TOGARAM2: variants seen among roughly 807,000 people sequenced by gnomAD.
TOGARAM2 encodes the protein TOG array regulator of axonemal microtubules protein 2.
Under a neutral mutation model 93.3 loss-of-function variants are expected in TOGARAM2, and 85 were observed. The observed-to-expected ratio is 0.91, with a 90% CI of 0.76 to 1.09. The LOEUF is 1.09. Ranked by LOEUF, TOGARAM2 falls within the 50% of genes least tolerant of loss-of-function variation. The pLI is 0.00. For synonymous variants in TOGARAM2, 593 were observed against 552.8 expected, an observed-to-expected ratio of 1.07 and a Z score of -1.02; for missense variants, 1,277 against 1,334.5, an observed-to-expected ratio of 0.96 and a Z score of 0.67.
chr2:28,982,218 A>T (rs1418839442), intron 1 of TOGARAM2, among the ~76,000 whole-genome samples: 1 of 152,168 alleles, frequency 6.6e-6, no homozygotes, highest in East Asian at 1.9e-4. Flanking sequence ...TGCTGTTGTT[A>T]GGTGGAGATT....
At position 28,994,770 on chromosome 2, in the gene TOGARAM2, T is replaced by C. The variant is rs948624080; in HGVS notation, c.-65T>C. ...GAGCCCTCCAGACCCCCAAGGACTG[T>C]ACTCACTGCCCAGAAATAGCTGCTG... On this transcript the variant is annotated 5_prime_UTR_variant, in exon 2 of 20. Transcript: ENST00000379558. 2 of 1,530,392 alleles carry C rather than the reference T, an allele frequency of 1.3e-6. No individual in the cohort carries two copies. The highest frequency in any genetic ancestry group is 1.2e-5 in the South Asian group (1 of 83,608). 94.8% of individuals were successfully genotyped at this position (1,530,392 alleles called of 1,614,324 possible). A position where few individuals can be genotyped will look rare whatever the true frequency, so the allele number is the denominator to read the frequency against.
intron 1 of TOGARAM2, among the ~76,000 whole-genome samples, chr2:28,972,115 G>A (rs777050183): frequency 6.6e-6 from 1 of 152,038 alleles, no homozygotes; most frequent in African/African-American, 2.4e-5. Flanking sequence ...TTGAGACAGG[G>A]TCTCACTCTG....
At position 29,027,698 on chromosome 2, in the gene TOGARAM2, C is replaced by T. The variant is rs368894765; in HGVS notation, c.2012+687C>T. The stretch of plus-strand genomic sequence containing the variant: ...TCTTGAGCCCAGGAGGTAAAGGCTG[C>T]AATGCAATGGAGTTGGTGGGGGGGC... On this transcript the variant is annotated intron_variant, in intron 14 of 19. Transcript: ENST00000379558. Among the ~76,000 whole-genome samples the T allele has an allele frequency of 5.9e-5, 9 of 152,106 alleles. No homozygotes were observed. In the East Asian group the frequency reaches 1.5e-3, roughly 26 times the overall value.
At chr2:29,010,832 G>T (rs1359246785) in intron 6 of TOGARAM2, among the ~76,000 whole-genome samples, 1 of 152,168 alleles carries the variant, frequency 6.6e-6, no homozygotes, top group African/African-American at 2.4e-5. Context: ...AGTAAATGGT[G>T]CTTCCAACTT....
chr2:29,021,986 C>T (rs1357566327), intron 10 of TOGARAM2, among the ~76,000 whole-genome samples, 172 bp from the exon 11 acceptor site: 2 of 152,104 alleles, frequency 1.3e-5, no homozygotes, highest in Non-Finnish European at 2.9e-5. Context: ...GGGAGGGAGG[C>T]CCAGGCGCTG....
In TOGARAM2 at chr2:28,956,736, T is replaced by C. The variant is rs1243566743; in HGVS notation, c.-147+39T>C. On this transcript the variant is annotated intron_variant, in intron 1 of 6. Transcript: ENST00000401723. This position sits in a 1 kb window ranked among gnomAD's most constrained non-coding sequence, Gnocchi z 4.5. The stretch of plus-strand genomic sequence containing the variant: ...GGTGGAATTCTGGTCACAGGCTACA[T>C]GTACCTTAAATTTCAATAGATTCCG... The C allele has an allele frequency of 2.0e-5, 3 of 152,216 alleles. No homozygotes were observed. The highest frequency in any genetic ancestry group is 4.4e-5 in the Non-Finnish European group (3 of 68,042). The allele number at this position is 152,216 out of a possible 1,614,324, so 9.4% of individuals were successfully genotyped here.
At chr2:28,991,894 C>T (rs546701593) in intron 1 of TOGARAM2, among the ~76,000 whole-genome samples, 2 of 152,268 alleles carry the variant, frequency 1.3e-5, no homozygotes, top group East Asian at 1.9e-4. Flanking sequence ...TACCCCGGGT[C>T]GCCCCATTCC....
chr2:29,005,682 GAGTGCATGTGTGGAGTGCGTGCA>G (rs1663696119), intron 6 of TOGARAM2, among the ~76,000 whole-genome samples: 2 of 57,394 alleles, frequency 3.5e-5, no homozygotes, highest in Non-Finnish European at 1.2e-4. Context: ...GCATGCATGT[GAGTGCATGTGTGGAGTGCGTGCA>G]TGTGTGAGTG....
chr2:29,010,521 G>A (rs1487587092), intron 6 of TOGARAM2, among the ~76,000 whole-genome samples: 1 of 152,090 alleles, frequency 6.6e-6, no homozygotes, highest in Non-Finnish European at 1.5e-5. Context: ...ATCCAGGCAG[G>A]CACTGAGGGG....
At chr2:29,005,518 C>T (rs879377761) in intron 6 of TOGARAM2, among the ~76,000 whole-genome samples, 13 of 106,760 alleles carry the variant, frequency 1.2e-4, no homozygotes, top group East Asian at 6.3e-4. Flanking sequence ...TGTGTAACTA[C>T]GTGTGTGAAG....
intron 4 of TOGARAM2, among the ~76,000 whole-genome samples, chr2:29,001,604 G>C (rs934149844): frequency 3.3e-5 from 5 of 151,912 alleles, no homozygotes; most frequent in African/African-American, 7.3e-5. Flanking sequence ...AGGTTCAAGC[G>C]ATTCTCCTGC....
chr2:29,013,165 G>C (rs574703064), intron 7 of TOGARAM2, among the ~76,000 whole-genome samples: 8 of 152,220 alleles, frequency 5.3e-5, no homozygotes, highest in Non-Finnish European at 1.0e-4. Flanking sequence ...ACCTGTTTGA[G>C]CCCTGCCTTC....
rs772160114 is a variant in TOGARAM2 at position 29,051,853 on chromosome 2, C to T, written c.2820C>T (p.Gly940=). The T allele has an allele frequency of 6.4e-7, 1 of 1,568,236 alleles. No homozygotes were observed. Among genetic ancestry groups the T allele is most frequent in the East Asian group, 2.4e-5 (1 of 41,800 alleles). ...WHFLNTATRN[G]TLPGPSGNIR... is the part of the protein sequence containing the mutation. ...TCCTGAACACCGCCACCAGGAATGG[C>T]ACCCTGCCTGGACCCAGCGGGAACA... The change falls in exon 20 of 20, where the codon GGC becomes GGT. Residue 940 remains glycine, a synonymous_variant. Transcript: ENST00000379558.
intron 1 of TOGARAM2, among the ~76,000 whole-genome samples, chr2:28,962,997 A>G (rs1418330632): frequency 1.3e-5 from 2 of 149,354 alleles, no homozygotes; most frequent in Non-Finnish European, 3.0e-5. Flanking sequence ...TAATTTTTAA[A>G]TTTTGTTTTT....
At chr2:28,985,050 C>A (rs898963052) in intron 1 of TOGARAM2, among the ~76,000 whole-genome samples, 5 of 152,190 alleles carry the variant, frequency 3.3e-5, no homozygotes, top group African/African-American at 1.2e-4. Flanking sequence ...ATGCGTCCCA[C>A]AAATGCAAAT....
At chr2:28,986,547 G>T (rs72786148) in intron 1 of TOGARAM2, among the ~76,000 whole-genome samples, 3 of 152,102 alleles carry the variant, frequency 2.0e-5, no homozygotes, top group Non-Finnish European at 2.9e-5. Context: ...TGTTAAGAAA[G>T]GTTCTTCCCA....
At chr2:29,019,966 C>T (rs115843781) in intron 10 of TOGARAM2, among the ~76,000 whole-genome samples, 7 of 152,192 alleles carry the variant, frequency 4.6e-5, no homozygotes, top group Non-Finnish European at 8.8e-5. Context: ...GATTTCTCAG[C>T]GAGGCAAATT....
chr2:29,019,243 C>G (rs534814432), intron 10 of TOGARAM2, among the ~76,000 whole-genome samples: 12 of 142,040 alleles, frequency 8.4e-5, no homozygotes, highest in African/African-American at 2.6e-4. Flanking sequence ...TGCAGTGGTG[C>G]GATCTCTGCT....
At chr2:28,964,468 GTT>G (rs35630231) in intron 1 of TOGARAM2, among the ~76,000 whole-genome samples, 112 of 137,186 alleles carry the variant, frequency 8.2e-4, no homozygotes, top group African/African-American at 1.0e-3. Context: ...ATTGGGTCTT[GTT>G]TTTTTTTTTT....
Sources: allele counts gnomAD v4.1 joint callset (sites outside exome capture counted in the v4.1 genomes callset), GRCh38; gene constraint gnomAD v4.1.1; non-coding constraint Gnocchi (gnomAD v3.1); transcripts MANE v1.5; gene names NCBI Gene and HGNC (gene_info 2026-07-23, HGNC 2026-07-21).